Variants in CHL1 observed in about 807,000 individuals in gnomAD.
The protein encoded by CHL1 is neural cell adhesion molecule L1-like protein.
A neutral mutation model predicts 141.9 loss-of-function variants in CHL1; 96 were observed. That is an observed-to-expected ratio of 0.68 (90% CI 0.57 to 0.80). The LOEUF (loss-of-function observed/expected upper bound fraction) is 0.80, where lower values mean the gene tolerates loss of function less well. CHL1 is among the 30% of genes least tolerant of loss of function. The pLI, the probability that CHL1 is intolerant of heterozygous loss-of-function variation, is 0.00. For missense variants in CHL1, 1,820 were observed against 1,457.2 expected (o/e 1.25, Z -4.05); for synonymous variants, 613 against 502.2 (o/e 1.22, Z -2.95).
At chr3:305,752 G>A (rs913168276) in intron 2 of CHL1, among the ~76,000 whole-genome samples, 2 of 151,562 alleles carry the variant, frequency 1.3e-5, no homozygotes, top group African/African-American at 4.8e-5. Context: ...TATCTTAAAT[G>A]TTTTCTGGCA....
intron 2 of CHL1, among the ~76,000 whole-genome samples, chr3:311,001 G>A (rs141774468): frequency 6.6e-6 from 1 of 152,024 alleles, no homozygotes; most frequent in African/African-American, 2.4e-5. Flanking sequence ...TTTTCAAATT[G>A]GCCTGTTCAC....
chr3:257,982 G>A (rs1206691849), intron 2 of CHL1, among the ~76,000 whole-genome samples: 2 of 152,124 alleles, frequency 1.3e-5, no homozygotes, highest in Non-Finnish European at 2.9e-5. Flanking sequence ...GAATGGCTCC[G>A]GAAGAGGCAG....
chr3:325,943 A>G lies in CHL1; in HGVS notation c.92-16A>G, dbSNP rs775455725. The G allele has an allele frequency of 4.5e-6, 7 of 1,570,008 alleles. No homozygotes were observed. The Middle Eastern group carries it at 5.0e-4, about 113-fold the overall frequency. The stretch of plus-strand genomic sequence containing the variant: ...GTTTGAATAGTGTGTTTTTAAGTAC[A>G]TATTTTAATATTTAGTTCAACAGGT... On this transcript the variant is annotated splice_polypyrimidine_tract_variant and intron_variant, in intron 3 of 27. Coordinates refer to ENST00000256509, the MANE Select transcript of CHL1 (RefSeq NM_006614.4).
chr3:330,018 GAAT>G (rs1169827067), intron 5 of CHL1, among the ~76,000 whole-genome samples: 3 of 151,976 alleles, frequency 2.0e-5, no homozygotes, highest in Non-Finnish European at 4.4e-5. Flanking sequence ...AAGATTTAAA[GAAT>G]ACAATCACAA....
intron 11 of CHL1, among the ~76,000 whole-genome samples, chr3:355,059 C>G (rs1703595063): frequency 6.6e-6 from 1 of 151,724 alleles, no homozygotes; most frequent in East Asian, 1.9e-4. Context: ...AGGATGCATC[C>G]AAGGAAAAAA....
rs150015185 is a variant in CHL1 at position 381,515 on chromosome 3, T to C, written c.1877-664T>C. ...GTAAATTTCAGGAGAGCAAATGCTA[T>C]AGGCAAAATAGTAAATTAGTACATT... On this transcript the variant is annotated intron_variant, in intron 16 of 27. Coordinates refer to ENST00000256509, the MANE Select transcript of CHL1 (RefSeq NM_006614.4). Among the ~76,000 whole-genome samples the C allele has an allele frequency of 2.2e-3, 332 of 152,320 alleles. 3 individuals carry two copies. Among genetic ancestry groups the C allele is most frequent in the African/African-American group, 7.5e-3 (312 of 41,570 alleles).
At chr3:357,997 A>C (rs941682738) in intron 11 of CHL1, among the ~76,000 whole-genome samples, 1 of 152,188 alleles carries the variant, frequency 6.6e-6, no homozygotes, top group Non-Finnish European at 1.5e-5. Context: ...TGGAAGAGCT[A>C]CTCATCTTGC....
intron 1 of CHL1, among the ~76,000 whole-genome samples, chr3:203,956 G>C (rs1225423020): frequency 6.6e-6 from 1 of 152,214 alleles, no homozygotes; most frequent in Non-Finnish European, 1.5e-5. Flanking sequence ...GAAGGGGAAA[G>C]CTAGAATTGA....
chr3:390,327 A>G (rs1708119319), intron 20 of CHL1, among the ~76,000 whole-genome samples: 1 of 152,252 alleles, frequency 6.6e-6, no homozygotes, highest in South Asian at 2.1e-4. Flanking sequence ...TGCCTGACAC[A>G]TAGCATATGC....
chr3:261,975 A>T lies in CHL1; in HGVS notation c.-95+17283A>T, dbSNP rs548764975. Among the ~76,000 whole-genome samples the T allele has an allele frequency of 1.6e-4, 23 of 142,114 alleles. No individual in the cohort carries two copies. In the South Asian group the frequency reaches 4.7e-3, roughly 29 times the overall value. 93.2% of individuals were successfully genotyped at this position (142,114 alleles called of 152,430 possible). A position where few individuals can be genotyped will look rare whatever the true frequency, so the allele number is the denominator to read the frequency against. On this transcript the variant is annotated intron_variant, in intron 2 of 27. Transcript: ENST00000256509. ...GGGCAGGATTCACACGTTTAAGCCT[A>T]GATCTACACAGTACTCACAGGGCAG... is the stretch of plus-strand genomic sequence containing the variant.
In CHL1 at chr3:398,347, A is replaced by G. The variant is rs374455130; in HGVS notation, c.3215A>G (p.Asp1072Gly). 9.3e-6 allele frequency: 15 copies of G among 1,604,792 alleles called. No homozygotes were observed. The highest frequency in any genetic ancestry group is 7.7e-5 in the South Asian group (7 of 90,820). The change falls in exon 25 of 28, where the codon GAT becomes GGT. Residue 1072 changes from aspartate to glycine, a missense_variant. Asp to Gly is a moderately conservative substitution (Grantham distance 94, BLOSUM62 -1). Transcript: ENST00000256509. Reference sequence around the variant, plus strand: ...ATGACTAAGAATTGGGGCGATAATGATAGCATTTTTCAAGATGTAATTGAG... The same window carrying G: ...ATGACTAAGAATTGGGGCGATAATGGTAGCATTTTTCAAGATGTAATTGAG... Reference protein sequence around the residue: ...RLMTKNWGDNDSIFQDVIETR... With the variant: ...RLMTKNWGDNGSIFQDVIETR...
chr3:386,842 T>C (rs978408008), intron 19 of CHL1, among the ~76,000 whole-genome samples: 2 of 152,196 alleles, frequency 1.3e-5, no homozygotes, highest in Non-Finnish European at 2.9e-5. Flanking sequence ...ATAATGACTA[T>C]AGTAGATAAC....
At chr3:391,830 TA>T (rs1208543977) in intron 23 of CHL1, 33 bp downstream of exon 23, 1 of 1,530,364 alleles carries the variant, frequency 6.5e-7, no homozygotes, top group Non-Finnish European at 8.9e-7. Context: ...GTTAACTTGT[TA>T]ATGTTTCATT....
chr3:355,985 T>G (rs1703680073), intron 11 of CHL1, among the ~76,000 whole-genome samples: 1 of 152,064 alleles, frequency 6.6e-6, no homozygotes, highest in Admixed American at 6.5e-5. Flanking sequence ...TTTTGTGGAT[T>G]AAAGGAAACA....
At chr3:239,450 G>T (rs1156346870) in intron 1 of CHL1, among the ~76,000 whole-genome samples, 3 of 152,000 alleles carry the variant, frequency 2.0e-5, no homozygotes, top group African/African-American at 7.2e-5. Context: ...CAGACACTGT[G>T]GTGGTAATGT....
chr3:347,527 G>A (rs1702865857), intron 9 of CHL1, among the ~76,000 whole-genome samples: 1 of 150,948 alleles, frequency 6.6e-6, no homozygotes, highest in Non-Finnish European at 1.5e-5. Flanking sequence ...ATTCTTTCAA[G>A]TAAATGGTAT....
chr3:337,675 G>C (rs1280075438), intron 5 of CHL1, among the ~76,000 whole-genome samples: 2 of 152,118 alleles, frequency 1.3e-5, no homozygotes, highest in Non-Finnish European at 2.9e-5. Context: ...CTTCAACCAT[G>C]TCCCTACAAA....
intron 15 of CHL1, among the ~76,000 whole-genome samples, chr3:369,509 C>T (rs192790642): frequency 3.7e-4 from 57 of 152,200 alleles, no homozygotes; most frequent in African/African-American, 1.1e-3. Context: ...GCTTAGACAA[C>T]GGGGTTTTCT....
At chr3:321,513 T>C (rs1700564901) in intron 3 of CHL1, among the ~76,000 whole-genome samples, 1 of 152,122 alleles carries the variant, frequency 6.6e-6, no homozygotes, top group South Asian at 2.1e-4. Context: ...ATGTTAATAA[T>C]TTCACATTGT....
Sources: allele counts gnomAD v4.1 joint callset (sites outside exome capture counted in the v4.1 genomes callset), GRCh38; gene constraint gnomAD v4.1.1; transcripts MANE v1.5; gene names NCBI Gene and HGNC (gene_info 2026-07-23, HGNC 2026-07-21).